SCARB1: variants seen among roughly 807,000 people sequenced by gnomAD.
The protein encoded by SCARB1 is scavenger receptor class B member 1.
SCARB1 carries 30 observed loss-of-function variants against 57.2 expected under a neutral mutation model. That is an observed-to-expected ratio of 0.52 (90% CI 0.39 to 0.71). SCARB1 has a LOEUF of 0.71. SCARB1 is among the 30% of genes least tolerant of loss of function. SCARB1 has a pLI of 0.00. For missense variants in SCARB1, 543 were observed against 671.2 expected, an observed-to-expected ratio of 0.81 and a Z score of 2.11; for synonymous variants, 249 against 268.3, an observed-to-expected ratio of 0.93 and a Z score of 0.70.
intron 1 of SCARB1, among the ~76,000 whole-genome samples, chr12:124,856,344 TAC>T (rs1952626859): frequency 6.6e-6 from 1 of 152,186 alleles, no homozygotes; most frequent in Admixed American, 6.5e-5. Context: ...TGTGCATGCC[TAC>T]ACAGGTGTGT....
At chr12:124,815,797 C>A (rs1269681479) in intron 2 of SCARB1, among the ~76,000 whole-genome samples, 1 of 152,080 alleles carries the variant, frequency 6.6e-6, no homozygotes, top group Non-Finnish European at 1.5e-5. Context: ...ACCTGGGGGG[C>A]GGACGTTGCA....
intron 1 of SCARB1, among the ~76,000 whole-genome samples, chr12:124,820,787 A>C (rs948639673): frequency 1.3e-4 from 20 of 152,180 alleles, no homozygotes; most frequent in African/African-American, 4.8e-4. Context: ...CACAGAAAAC[A>C]GTGGGGGGCA....
chr12:124,840,130 C>G, intron 1 of SCARB1: 1 of 1,202,924 alleles, frequency 8.3e-7, no homozygotes, highest in Non-Finnish European at 1.1e-6. Flanking sequence ...TCTCATTTCC[C>G]TAACGATGAG....
At chr12:124,832,937 C>T (rs1442535872) in intron 1 of SCARB1, among the ~76,000 whole-genome samples, 1 of 151,840 alleles carries the variant, frequency 6.6e-6, no homozygotes, top group Non-Finnish European at 1.5e-5. Flanking sequence ...CTGGGACTGC[C>T]CCTGAGATGG....
chr12:124,799,654 G>C (rs940082692), intron 8 of SCARB1, among the ~76,000 whole-genome samples: 1 of 152,094 alleles, frequency 6.6e-6, no homozygotes, highest in East Asian at 1.9e-4. Flanking sequence ...ATTTTACAGA[G>C]AACGGAGGTG....
intron 7 of SCARB1, among the ~76,000 whole-genome samples, chr12:124,802,664 G>A (rs1202533360): frequency 6.6e-6 from 1 of 152,172 alleles, no homozygotes; most frequent in Non-Finnish European, 1.5e-5. Context: ...TACCAAGCAC[G>A]CCGAGAGAGA....
intron 8 of SCARB1, among the ~76,000 whole-genome samples, chr12:124,798,109 G>A (rs1391691817): frequency 2.6e-5 from 4 of 152,206 alleles, no homozygotes; most frequent in African/African-American, 9.6e-5. Flanking sequence ...ACTGTTCAGC[G>A]TTTAAAAAGA....
intron 1 of SCARB1, among the ~76,000 whole-genome samples, chr12:124,827,404 CA>C (rs1288423573): frequency 6.1e-5 from 9 of 147,356 alleles, no homozygotes; most frequent in South Asian, 2.1e-4. Flanking sequence ...TAGTTTTGGT[CA>C]GGGGTTAATA....
intron 1 of SCARB1, among the ~76,000 whole-genome samples, chr12:124,847,261 A>C (rs1952202374): frequency 6.6e-6 from 1 of 152,230 alleles, no homozygotes; most frequent in Non-Finnish European, 1.5e-5. Flanking sequence ...GTGGAAGGAA[A>C]TCCCAAGGAC....
rs184957787 is a variant in SCARB1, at chr12:124,810,624, A to G, written c.727-335T>C. Among the ~76,000 whole-genome samples the G allele has an allele frequency of 9.8e-5, 15 of 152,318 alleles. No homozygotes were observed. The highest frequency in any genetic ancestry group is 7.8e-4 in the Admixed American group (12 of 15,298). ...GGGCGCGGCTGTGCTCAGCCCTCAG[A>G]GCGGAAGTCAACAGGCACCTCCTGA... On this transcript the variant is annotated intron_variant, in intron 5 of 12. Transcript: ENST00000261693. This position sits in a 1 kb window ranked among gnomAD's most constrained non-coding sequence, Gnocchi z 4.0.
chr12:124,818,661 T>G (rs932715766), intron 1 of SCARB1, among the ~76,000 whole-genome samples: 25 of 151,774 alleles, frequency 1.6e-4, no homozygotes, highest in Non-Finnish European at 2.9e-4. Flanking sequence ...ATTTTATTTT[T>G]TTGAGAGGGA....
At chr12:124,842,270 A>G (rs1484140391) in intron 1 of SCARB1, among the ~76,000 whole-genome samples, 1 of 152,224 alleles carries the variant, frequency 6.6e-6, no homozygotes, top group Non-Finnish European at 1.5e-5. Flanking sequence ...GTCCAGGGGA[A>G]ACAGGCCTCT....
At position 124,789,239 on chromosome 12, in the gene SCARB1, G is replaced by A. The variant is rs1265610932; in HGVS notation, c.1203-1782C>T. The stretch of plus-strand genomic sequence containing the variant: ...TCTGAAACTGGAACTTTCTCTCTGC[G>A]GTCCTCCTCCCAAAACCCATCACCC... On this transcript the variant is annotated intron_variant, in intron 9 of 12. Transcript: ENST00000261693. This position sits in a 1 kb window ranked among gnomAD's most constrained non-coding sequence, Gnocchi z 4.4. Among the ~76,000 whole-genome samples the A allele has an allele frequency of 1.3e-5, 2 of 152,036 alleles. No individual in the cohort carries two copies. Among genetic ancestry groups the A allele is most frequent in the African/African-American group, 2.4e-5 (1 of 41,386 alleles).
intron 10 of SCARB1, 128 bp from the exon 11 acceptor site, chr12:124,786,631 AT>A: frequency 6.6e-7 from 1 of 1,526,598 alleles, no homozygotes; most frequent in Non-Finnish European, 8.8e-7. Flanking sequence ...CGGCTAAAGC[AT>A]GTGTTGGAGC....
chr12:124,854,723 T>C (rs1952562222), intron 1 of SCARB1, among the ~76,000 whole-genome samples: 1 of 152,242 alleles, frequency 6.6e-6, no homozygotes, highest in African/African-American at 2.4e-5. Flanking sequence ...GTGCAAGATG[T>C]TGGCCCGGGC....
At chr12:124,825,535 G>T (rs1171104465) in intron 1 of SCARB1, among the ~76,000 whole-genome samples, 2 of 151,944 alleles carry the variant, frequency 1.3e-5, no homozygotes, top group Non-Finnish European at 2.9e-5. Flanking sequence ...CCCAAGCACG[G>T]TGACATGCAC....
rs751892433 is a variant in SCARB1 at position 124,786,408 on chromosome 12, C to T, written c.1350G>A (p.Ala450=). The T allele has an allele frequency of 7.4e-6, 12 of 1,614,132 alleles. No individual in the cohort carries two copies. The highest frequency in any genetic ancestry group is 5.0e-5 in the Admixed American group (3 of 60,034). ...GGACCAGCAGCAGGACGCAGCCCAG[C>T]GCCAGGAGGACGTACTGGGCATAGT... is the stretch of plus-strand genomic sequence containing the variant. The part of the protein sequence containing the change: ...VMHYAQYVLL[A]LGCVLLLVPV... The change falls in exon 11 of 13, where the codon GCG becomes GCA. Residue 450 remains alanine (A), a synonymous_variant. Transcript: ENST00000261693.
At chr12:124,805,496 A>T (rs1455097346) in intron 7 of SCARB1, among the ~76,000 whole-genome samples, 1 of 152,184 alleles carries the variant, frequency 6.6e-6, no homozygotes, top group Non-Finnish European at 1.5e-5. Context: ...GCCCAGGGCC[A>T]TGGTGGGAGT....
In SCARB1 at chr12:124,814,333, C is replaced by T. The variant is rs199588922; in HGVS notation, c.499G>A (p.Gly167Ser). The change falls in exon 4 of 13, where the codon GGC (glycine) becomes AGC (serine). Residue 167 changes from glycine (G) to serine (S), a missense_variant. Gly to Ser is a moderately conservative substitution (Grantham distance 56, BLOSUM62 0). Transcript: ENST00000261693. The surrounding 1 kb of genome is among the most constrained non-coding windows in gnomAD (Gnocchi z 4.7). ...GTGCGGTTCATGAAGGCACGTTCGCCGAGGGTGGTGAATGCCAAGGTCATG... is the reference window on the plus strand; with the variant it reads ...GTGCGGTTCATGAAGGCACGTTCGCTGAGGGTGGTGAATGCCAAGGTCATG... Reference protein sequence around the residue: ...LIMTLAFTTLGERAFMNRTVG... With the variant: ...LIMTLAFTTLSERAFMNRTVG... 6.4e-5 allele frequency: 103 copies of T among 1,614,144 alleles called. No individual in the cohort carries two copies. In the Middle Eastern group the frequency reaches 6.6e-4, roughly 10 times the overall value.
Sources: gnomAD v4.1 joint callset for allele counts (sites outside exome capture counted in the v4.1 genomes callset) on GRCh38, gnomAD v4.1.1 for gene constraint, Gnocchi (gnomAD v3.1) non-coding constraint, MANE v1.5 for transcripts, NCBI Gene and HGNC (gene_info 2026-07-23, HGNC 2026-07-21) for gene names.